Variants in IMMP2L observed in about 807,000 individuals in gnomAD.
IMMP2L encodes the protein mitochondrial inner membrane protease subunit 2.
A neutral mutation model predicts 19.3 loss-of-function variants in IMMP2L; 18 were observed. The ratio of observed to expected loss-of-function variants is 0.93; its 90% confidence interval spans 0.64 to 1.38. IMMP2L has a LOEUF of 1.38. Ranked by LOEUF, IMMP2L falls within the 40% of genes most tolerant of loss-of-function variation. The pLI, the probability that IMMP2L is intolerant of heterozygous loss-of-function variation, is 0.00. For synonymous variants in IMMP2L, 76 were observed against 73.0 expected, an observed-to-expected ratio of 1.04 and a Z score of -0.21; for missense variants, 233 against 218.2, an observed-to-expected ratio of 1.07 and a Z score of -0.43.
chr7:111,317,906 G>A (rs1824278484), intron 3 of IMMP2L, among the ~76,000 whole-genome samples: 1 of 152,104 alleles, frequency 6.6e-6, no homozygotes. Context: ...ATTTGTTATA[G>A]ATTCTACATG....
chr7:111,196,115 C>G (rs1257800180), intron 3 of IMMP2L, among the ~76,000 whole-genome samples: 1 of 152,058 alleles, frequency 6.6e-6, no homozygotes, highest in Non-Finnish European at 1.5e-5. Context: ...ATCATGCAAT[C>G]CTCCCACATT....
intron 3 of IMMP2L, among the ~76,000 whole-genome samples, chr7:111,301,350 T>G (rs1325082453): frequency 6.6e-6 from 1 of 151,622 alleles, no homozygotes; most frequent in Non-Finnish European, 1.5e-5. Context: ...CACTGGGGGT[T>G]TGTTTGTTTT....
At chr7:110,712,617 C>A (rs1238400189) in intron 5 of IMMP2L, among the ~76,000 whole-genome samples, 1 of 31,428 alleles carries the variant, frequency 3.2e-5, no homozygotes, top group Admixed American at 2.6e-4. Flanking sequence ...GCCTCGTTGC[C>A]GCCTTGCAGT....
rs750001676 is a variant in IMMP2L at position 111,213,356 on chromosome 7, C to T, written c.240-249791G>A. 9.9e-5 allele frequency among the ~76,000 whole-genome samples: 15 copies of T among 152,184 alleles called. No individual in the cohort carries two copies. The highest frequency in any genetic ancestry group is 1.8e-4 in the Non-Finnish European group (12 of 68,034). ...AGGGAGGCTGAGTGGGGCCTGAAGG[C>T]AGCTTGGTGCTGGCCTGCAGGCACC... On this transcript the variant is annotated intron_variant, in intron 3 of 5. Coordinates refer to ENST00000405709, the MANE Select transcript of IMMP2L (RefSeq NM_032549.4). This position sits in a 1 kb window ranked among gnomAD's most constrained non-coding sequence, Gnocchi z 4.8.
chr7:110,720,361 G>A (rs1183614873), intron 5 of IMMP2L, among the ~76,000 whole-genome samples: 2 of 152,174 alleles, frequency 1.3e-5, no homozygotes, highest in Admixed American at 1.3e-4. Context: ...TATGTAGAAA[G>A]TAATCGCTCT....
intron 3 of IMMP2L, among the ~76,000 whole-genome samples, chr7:111,203,557 A>G (rs187975965): frequency 1.4e-5 from 2 of 145,286 alleles, no homozygotes; most frequent in East Asian, 4.1e-4. Context: ...ATATTACATT[A>G]TTATACTGGT....
At chr7:111,306,227 AG>A (rs1391090692) in intron 3 of IMMP2L, among the ~76,000 whole-genome samples, 14 of 152,310 alleles carry the variant, frequency 9.2e-5, no homozygotes, top group Non-Finnish European at 1.6e-4. Flanking sequence ...ATACTCTAGC[AG>A]TGGATACATG....
intron 1 of IMMP2L, among the ~76,000 whole-genome samples, chr7:111,537,396 T>C (rs781344748): frequency 6.6e-5 from 10 of 152,006 alleles, no homozygotes; most frequent in South Asian, 2.1e-4. Flanking sequence ...ATGAAAAAAA[T>C]AGAAATCATC....
At chr7:111,480,413 C>T (rs1842079456) in intron 3 of IMMP2L, among the ~76,000 whole-genome samples, 1 of 151,814 alleles carries the variant, frequency 6.6e-6, no homozygotes, top group African/African-American at 2.4e-5. Context: ...CTATGAACAG[C>T]ATTTAAAAAT....
At chr7:111,446,677 C>G (rs1474794089) in intron 3 of IMMP2L, among the ~76,000 whole-genome samples, 3 of 152,336 alleles carry the variant, frequency 2.0e-5, no homozygotes, top group South Asian at 4.1e-4. Flanking sequence ...AACGCAGTTC[C>G]TCACCAGCAA....
intron 3 of IMMP2L, among the ~76,000 whole-genome samples, chr7:111,162,327 G>T (rs921202231): frequency 6.6e-6 from 1 of 152,020 alleles, no homozygotes; most frequent in South Asian, 2.1e-4. Context: ...ATAATTTTAC[G>T]AATTTATTCC....
At chr7:111,075,878 C>T (rs2129575822) in intron 3 of IMMP2L, among the ~76,000 whole-genome samples, 2 of 152,288 alleles carry the variant, frequency 1.3e-5, no homozygotes, top group Non-Finnish European at 2.9e-5. Context: ...CCAGGCTTAA[C>T]TCACTATTCT....
chr7:110,914,564 C>T (rs535350890), intron 4 of IMMP2L, among the ~76,000 whole-genome samples: 2 of 152,248 alleles, frequency 1.3e-5, no homozygotes, highest in African/African-American at 2.4e-5. Flanking sequence ...TTTGGGACAT[C>T]GTCCCCATAA....
In IMMP2L at chr7:110,760,971, C is replaced by T. The variant is rs186086409; in HGVS notation, c.409-97250G>A. On this transcript the variant is annotated intron_variant, in intron 5 of 5. Coordinates refer to ENST00000405709, the MANE Select transcript of IMMP2L (RefSeq NM_032549.4). The surrounding 1 kb of genome is among the most constrained non-coding windows in gnomAD (Gnocchi z 4.2). ...AGAGAAAGCAAACATTGCAATGCAG[C>T]GATATCAGGTGAATTTGAAAAGCAT... Among the ~76,000 whole-genome samples the T allele has an allele frequency of 5.9e-5, 9 of 152,132 alleles. No individual in the cohort carries two copies. The East Asian group carries it at 1.2e-3, about 20-fold the overall frequency.
intron 3 of IMMP2L, among the ~76,000 whole-genome samples, chr7:111,019,211 G>A (rs1826030710): frequency 6.6e-6 from 1 of 152,174 alleles, no homozygotes; most frequent in South Asian, 2.1e-4. Flanking sequence ...GGCATTGAGA[G>A]GGAAAAAAAC....
At chr7:111,137,315 T>A (rs921356048) in intron 3 of IMMP2L, among the ~76,000 whole-genome samples, 2 of 152,178 alleles carry the variant, frequency 1.3e-5, no homozygotes, top group Non-Finnish European at 2.9e-5. Flanking sequence ...CTGGATACCT[T>A]ATAAAAATGG....
intron 3 of IMMP2L, among the ~76,000 whole-genome samples, chr7:111,222,899 T>C (rs1292562731): frequency 1.3e-5 from 2 of 151,912 alleles, no homozygotes; most frequent in East Asian, 1.9e-4. Flanking sequence ...TCGGTACATA[T>C]AGCAAGAATT....
intron 4 of IMMP2L, among the ~76,000 whole-genome samples, chr7:110,955,927 C>A (rs1454608355): frequency 6.6e-6 from 1 of 151,680 alleles, no homozygotes; most frequent in African/African-American, 2.4e-5. Context: ...CTGCACCAAT[C>A]ATTAAAAAAA....
intron 3 of IMMP2L, among the ~76,000 whole-genome samples, chr7:111,140,023 T>G (rs1802722376): frequency 6.6e-6 from 1 of 151,868 alleles, no homozygotes; most frequent in African/African-American, 2.4e-5. Context: ...TTTCTTGGAG[T>G]TCAATGAACA....
Sources: gnomAD v4.1 joint callset for allele counts (sites outside exome capture counted in the v4.1 genomes callset) on GRCh38, gnomAD v4.1.1 for gene constraint, Gnocchi (gnomAD v3.1) non-coding constraint, MANE v1.5 for transcripts, NCBI Gene and HGNC (gene_info 2026-07-23, HGNC 2026-07-21) for gene names.